ACOT12: variants seen among roughly 807,000 people sequenced by gnomAD.
ACOT12 encodes the protein acetyl-coenzyme A thioesterase.
Under a neutral mutation model 67.7 loss-of-function variants are expected in ACOT12, and 51 were observed. The ratio of observed to expected loss-of-function variants is 0.75; its 90% CI spans 0.60 to 0.95. ACOT12 has a LOEUF of 0.95. Among genes scored for constraint, ACOT12 ranks in the 40% least tolerant of loss-of-function variants. The probability of loss-of-function intolerance (pLI) is 0.00; values close to 1 mark genes in which losing one functional copy is unlikely to be tolerated. For missense variants in ACOT12, 734 were observed against 708.1 expected (o/e 1.04, Z -0.41); for synonymous variants, 251 against 244.6 (o/e 1.03, Z -0.24).
chr5:81,382,008 T>C (rs1760596613), intron 2 of ACOT12, among the ~76,000 whole-genome samples: 1 of 152,212 alleles, frequency 6.6e-6, no homozygotes, highest in Admixed American at 6.5e-5. Context: ...GGTACTGTTA[T>C]TCTGAATCTA....
intron 2 of ACOT12, among the ~76,000 whole-genome samples, chr5:81,381,221 C>T (rs866723822): frequency 1.6e-4 from 25 of 152,214 alleles, no homozygotes; most frequent in African/African-American, 5.5e-4. Flanking sequence ...CGCGTGCCAC[C>T]ACACCCAGCT....
the ACOT12 span, among the ~76,000 whole-genome samples, chr5:81,317,438 G>A: frequency 6.6e-6 from 1 of 151,424 alleles, no homozygotes; most frequent in African/African-American, 2.4e-5. Context: ...GGAAGTGGAG[G>A]CTTCAGTGAG....
chr5:81,392,419 G>C (rs1317364789), intron 1 of ACOT12, among the ~76,000 whole-genome samples: 7 of 152,090 alleles, frequency 4.6e-5, no homozygotes, highest in Admixed American at 1.3e-4. Flanking sequence ...AACATTATCA[G>C]TTATTAATAT....
intron 4 of ACOT12, among the ~76,000 whole-genome samples, chr5:81,361,440 A>T: frequency 6.6e-6 from 1 of 151,986 alleles, no homozygotes; most frequent in Non-Finnish European, 1.5e-5. Context: ...GCCTCAAGCA[A>T]TCCTTCCTTC....
In ACOT12 at chr5:81,371,790, ATGG is replaced by A; in HGVS notation, c.215_217del (p.Thr72del). Reference sequence around the variant, plus strand: ...GAATGCTCTAGTAACTTTTGCTTTGATGGTTATAACTTGTCCAACTCTAGGGAA... The same window carrying A: ...GAATGCTCTAGTAACTTTTGCTTTGATTATAACTTGTCCAACTCTAGGGAA... On this transcript the variant is annotated inframe_deletion, in exon 3 of 15. Transcript: ENST00000307624. 1.2e-6 allele frequency: 2 copies of A among 1,614,138 alleles called. No homozygotes were observed. The highest frequency in any genetic ancestry group is 1.7e-6 in the Non-Finnish European group (2 of 1,179,996).
intron 9 of ACOT12, 65 bp downstream of exon 9, chr5:81,344,095 G>A: frequency 9.2e-6 from 14 of 1,525,944 alleles, no homozygotes; most frequent in Non-Finnish European, 1.3e-5. Flanking sequence ...CCCAGAGGGG[G>A]GCTCTTATAT....
Position 81,332,625 on chromosome 5 carries a change from A to C in ACOT12, c.1263-20T>G. ...CAGGACCTGTGTATATAGAACAGTGAAAAGCAGGTATACTTTCTACCTGCT... is the reference window on the plus strand; with the variant it reads ...CAGGACCTGTGTATATAGAACAGTGCAAAGCAGGTATACTTTCTACCTGCT... On this transcript the variant is annotated intron_variant, in intron 12 of 14. Coordinates refer to ENST00000307624, the MANE Select transcript of ACOT12 (RefSeq NM_130767.3). 6.2e-7 allele frequency: 1 copy of C among 1,613,296 alleles called. No homozygotes were observed. Among genetic ancestry groups the C allele is most frequent in the African/African-American group, 1.3e-5 (1 of 75,042 alleles).
chr5:81,363,541 G>A (rs1266901726), intron 4 of ACOT12, among the ~76,000 whole-genome samples: 1 of 152,040 alleles, frequency 6.6e-6, no homozygotes, highest in African/African-American at 2.4e-5. Flanking sequence ...AAACAATGTG[G>A]ATTTTTTTTT....
chr5:81,353,689 C>T (rs770134886), intron 5 of ACOT12, among the ~76,000 whole-genome samples: 8 of 152,234 alleles, frequency 5.3e-5, no homozygotes, highest in Admixed American at 1.3e-4. Context: ...TGCTTATACA[C>T]ATTCCAGAAA....
chr5:81,340,472 C>T (rs1015222092), intron 11 of ACOT12, among the ~76,000 whole-genome samples: 2 of 152,196 alleles, frequency 1.3e-5, no homozygotes, highest in African/African-American at 4.8e-5. Context: ...AGCAATTCTC[C>T]TGTCTCAGCC....
intron 4 of ACOT12, among the ~76,000 whole-genome samples, chr5:81,361,935 T>A (rs1005337207): frequency 6.6e-6 from 1 of 152,218 alleles, no homozygotes; most frequent in Non-Finnish European, 1.5e-5. Context: ...ATTCAAGTAG[T>A]CCTATGGGTT....
At chr5:81,346,489 A>T (rs1275843191) in intron 6 of ACOT12, among the ~76,000 whole-genome samples, 1 of 152,254 alleles carries the variant, frequency 6.6e-6, no homozygotes, top group African/African-American at 2.4e-5. Flanking sequence ...GGATTGCTAC[A>T]TAAAGCCTGA....
chr5:81,318,032 T>G, the ACOT12 span, among the ~76,000 whole-genome samples: 1 of 151,812 alleles, frequency 6.6e-6, no homozygotes, highest in Non-Finnish European at 1.5e-5. Flanking sequence ...ACAGGCATGC[T>G]GCACCATGCC....
intron 3 of ACOT12, among the ~76,000 whole-genome samples, chr5:81,368,109 T>A (rs190892441): frequency 6.6e-6 from 1 of 152,210 alleles, no homozygotes; most frequent in Admixed American, 6.5e-5. Flanking sequence ...CTGGCCAACA[T>A]GGTGAAATCC....
Position 81,330,846 on chromosome 5 carries a change from G to A in ACOT12, c.1486C>T (p.Leu496Phe). The A allele has an allele frequency of 6.2e-7, 1 of 1,614,014 alleles. No homozygotes were observed. The highest frequency in any genetic ancestry group is 8.5e-7 in the Non-Finnish European group (1 of 1,179,954). Residue 496 changes from leucine to phenylalanine, a missense_variant, in exon 14 of 15, where the codon CTC becomes TTC. Leu to Phe is a conservative substitution (Grantham distance 22). Transcript: ENST00000307624. ...GAATTGCTGTCAATAGCATGGATGAGAAATCCGGCACATATGATTTCACTT... is the reference window on the plus strand; with the variant it reads ...GAATTGCTGTCAATAGCATGGATGAAAAATCCGGCACATATGATTTCACTT... Reference protein sequence around the residue: ...IRSEIICAGFLIHAIDSNSCI... With the variant: ...IRSEIICAGFFIHAIDSNSCI...
At chr5:81,344,419 C>A (rs148449719) in intron 8 of ACOT12, among the ~76,000 whole-genome samples, 170 of 152,298 alleles carry the variant, frequency 1.1e-3, no homozygotes, top group African/African-American at 4.0e-3. Flanking sequence ...GCAATCTTTG[C>A]AGCTATTTTC....
chr5:81,385,894 G>A (rs756175764), intron 1 of ACOT12, 68 bp from the exon 2 acceptor site: 367 of 1,443,086 alleles, frequency 2.5e-4, no homozygotes, highest in Admixed American at 2.5e-4. Context: ...TAAGGGAAAG[G>A]AATGAAATGT....
chr5:81,391,121 A>C lies in ACOT12; in HGVS notation c.127+2867T>G, dbSNP rs56906550. On this transcript the variant is annotated intron_variant, in intron 1 of 14. Coordinates refer to ENST00000307624, the MANE Select transcript of ACOT12 (RefSeq NM_130767.3). ...AACTATTTTCAGTTCTTTTGGCCTC[A>C]ACCAGGAGGTTTGGAGTCTGTCCTA... Among the ~76,000 whole-genome samples, 1,159 of 152,352 alleles carry C rather than the reference A, an allele frequency of 7.6e-3. 16 individuals are homozygous for C. Among genetic ancestry groups the C allele is most frequent in the African/African-American group, 0.025 (1,050 of 41,590 alleles).
At chr5:81,331,341 T>C (rs4704721) in intron 13 of ACOT12, among the ~76,000 whole-genome samples, 66,545 of 151,502 alleles carry the variant, frequency 0.44, 14,762 homozygotes, top group African/African-American at 0.5. Flanking sequence ...AGTTCGAGGC[T>C]ATCCTGACCA....
Sources: gnomAD v4.1 joint callset for allele counts (sites outside exome capture counted in the v4.1 genomes callset) on GRCh38, gnomAD v4.1.1 for gene constraint, MANE v1.5 for transcripts, NCBI Gene and HGNC (gene_info 2026-07-23, HGNC 2026-07-21) for gene names.